Variants in PARPBP observed in about 807,000 individuals in gnomAD.
PARPBP encodes PARP1 binding protein.
Under a neutral mutation model 50.0 loss-of-function variants are expected in PARPBP, and 52 were observed. The ratio of observed to expected loss-of-function variants is 1.04; its 90% confidence interval spans 0.83 to 1.31. PARPBP has a LOEUF of 1.31. Ranked by LOEUF, PARPBP falls within the 50% of genes most tolerant of loss-of-function variation. The pLI, the probability that PARPBP is intolerant of heterozygous loss-of-function variation, is 0.00. For synonymous variants in PARPBP, 244 were observed against 232.1 expected (o/e 1.05, Z -0.47); for missense variants, 697 against 672.0 (o/e 1.04, Z -0.41).
chr12:102,189,702 G>T (rs1321465037), intron 9 of PARPBP, among the ~76,000 whole-genome samples: 3 of 152,122 alleles, frequency 2.0e-5, no homozygotes, highest in Non-Finnish European at 4.4e-5. Context: ...GTTGTAAAGA[G>T]AATGTGTGTA....
Position 102,151,694 on chromosome 12 carries a change from C to T in PARPBP, c.388-2175C>T, listed in dbSNP as rs1379762114. On this transcript the variant is annotated intron_variant, in intron 3 of 10. Coordinates refer to ENST00000327680, the MANE Select transcript of PARPBP (RefSeq NM_017915.5). Reference sequence around the variant, plus strand: ...ACTCTGGAGCGGCAGAAGGGAGAGTCCCTCTTAGCATGGAGCTGGTCCCTA... The same window carrying T: ...ACTCTGGAGCGGCAGAAGGGAGAGTTCCTCTTAGCATGGAGCTGGTCCCTA... The T allele has an allele frequency of 5.9e-6, 9 of 1,535,662 alleles. No individual in the cohort carries two copies. In the East Asian group the frequency reaches 2.0e-4, roughly 33 times the overall value.
intron 2 of PARPBP, among the ~76,000 whole-genome samples, chr12:102,135,298 A>G (rs992794157): frequency 1.2e-4 from 18 of 152,134 alleles, no homozygotes; most frequent in Non-Finnish European, 2.2e-4. Context: ...TAATCCCAGC[A>G]CTTTGGGAGG....
intron 2 of PARPBP, among the ~76,000 whole-genome samples, chr12:102,138,163 C>G (rs1883965832): frequency 6.6e-6 from 1 of 152,126 alleles, no homozygotes; most frequent in African/African-American, 2.4e-5. Context: ...CTCTCCAGCA[C>G]CTTTTGTTTC....
intron 6 of PARPBP, among the ~76,000 whole-genome samples, chr12:102,170,895 T>C (rs1888625262): frequency 6.7e-6 from 1 of 149,888 alleles, no homozygotes; most frequent in African/African-American, 2.5e-5. Context: ...CTTTTCTCTG[T>C]TTAATTTTTC....
intron 7 of PARPBP, among the ~76,000 whole-genome samples, chr12:102,176,160 T>A (rs1236051111): frequency 6.6e-6 from 1 of 152,046 alleles, no homozygotes; most frequent in Non-Finnish European, 1.5e-5. Flanking sequence ...TTTTTTGTAT[T>A]TTTAGTAGAG....
chr12:102,170,019 G>T (rs1888531743), intron 6 of PARPBP, among the ~76,000 whole-genome samples: 3 of 152,162 alleles, frequency 2.0e-5, no homozygotes, highest in Admixed American at 6.6e-5. Context: ...AGACAGACTG[G>T]GAAGAAATAA....
At chr12:102,181,650 G>A (rs888711918) in intron 8 of PARPBP, among the ~76,000 whole-genome samples, 1 of 152,080 alleles carries the variant, frequency 6.6e-6, no homozygotes, top group Non-Finnish European at 1.5e-5. Context: ...TAGATTTAGT[G>A]GTCCTTTATC....
rs768045689 is a variant in PARPBP, at chr12:102,196,202, C to T, written c.1651C>T (p.Leu551=). 6.2e-7 allele frequency: 1 copy of T among 1,611,718 alleles called. No individual in the cohort carries two copies. The highest frequency in any genetic ancestry group is 8.5e-7 in the Non-Finnish European group (1 of 1,178,592). ...NDSQNRLYGK[L]AKVAKSNKCT... ...TTCACAGAATAGATTGTACGGCAAA[C>T]TAGCTAAAGTAGCAAAAAGTAATAA... The change falls in exon 11 of 11, where the codon CTA becomes TTA. Residue 551 remains leucine (L), a synonymous_variant. Coordinates refer to ENST00000327680, the MANE Select transcript of PARPBP (RefSeq NM_017915.5).
intron 4 of PARPBP, among the ~76,000 whole-genome samples, chr12:102,164,201 A>T (rs1378508616): frequency 1.3e-5 from 2 of 152,000 alleles, no homozygotes; most frequent in South Asian, 2.1e-4. Context: ...TGCTTTTTTT[A>T]GCTGGATTTT....
In PARPBP at chr12:102,182,728, T is replaced by G. The variant is rs1262958898; in HGVS notation, c.1263+101T>G. The G allele has an allele frequency of 5.1e-6, 4 of 781,262 alleles. No homozygotes were observed. The Admixed American group carries it at 7.1e-5, about 14-fold the overall frequency. The allele number at this position is 781,262 out of a possible 1,614,324, so 48.4% of individuals were successfully genotyped here. A position where few individuals can be genotyped will look rare whatever the true frequency, so the allele number is the denominator to read the frequency against. ...TGGGTATTGTAAATATTGTAAACAT[T>G]GTACATGACACAGTAGGAATTAAAT... On this transcript the variant is annotated intron_variant, in intron 9 of 10. Coordinates refer to ENST00000327680, the MANE Select transcript of PARPBP (RefSeq NM_017915.5).
chr12:102,168,570 A>G (rs989529616), intron 6 of PARPBP, among the ~76,000 whole-genome samples: 1 of 152,190 alleles, frequency 6.6e-6, no homozygotes, highest in African/African-American at 2.4e-5. Flanking sequence ...ATTAAAAACT[A>G]AAAACATATA....
intron 4 of PARPBP, 96 bp downstream of exon 4, chr12:102,154,072 T>A (rs931203816): frequency 1.8e-5 from 13 of 704,342 alleles, no homozygotes; most frequent in South Asian, 9.1e-5. Flanking sequence ...TTTGTAAAAA[T>A]TTTTTTAACA....
chr12:102,185,222 A>C (rs1001504810), intron 9 of PARPBP, among the ~76,000 whole-genome samples: 18 of 152,162 alleles, frequency 1.2e-4, no homozygotes, highest in African/African-American at 4.3e-4. Flanking sequence ...ATGGTCTTTC[A>C]GAGGTTTTTA....
intron 2 of PARPBP, among the ~76,000 whole-genome samples, chr12:102,135,802 A>G (rs1026940131): frequency 3.9e-5 from 6 of 152,176 alleles, no homozygotes; most frequent in African/African-American, 1.4e-4. Flanking sequence ...CTTTTAGCCT[A>G]GATTTTCATT....
intron 2 of PARPBP, among the ~76,000 whole-genome samples, chr12:102,130,480 A>G (rs1047535852): frequency 6.6e-6 from 1 of 152,230 alleles, no homozygotes; most frequent in African/African-American, 2.4e-5. Flanking sequence ...AAATTTTTGC[A>G]AACTATACAT....
chr12:102,172,220 C>G (rs964423141), intron 6 of PARPBP, among the ~76,000 whole-genome samples: 9 of 152,150 alleles, frequency 5.9e-5, no homozygotes, highest in Admixed American at 4.6e-4. Context: ...TCTTTCTCAT[C>G]TAAATTCTCC....
chr12:102,152,175 T>G (rs905195345), intron 3 of PARPBP, among the ~76,000 whole-genome samples: 5 of 152,164 alleles, frequency 3.3e-5, no homozygotes, highest in African/African-American at 4.8e-5. Flanking sequence ...GATGAAAGCT[T>G]GTTGCTAGAG....
chr12:102,143,739 T>C (rs1488510758), intron 2 of PARPBP, among the ~76,000 whole-genome samples: 1 of 152,222 alleles, frequency 6.6e-6, no homozygotes, highest in African/African-American at 2.4e-5. Context: ...ATTAGCTTCT[T>C]AGTTTGCATC....
At chr12:102,145,859 G>C (rs1320512551) in intron 2 of PARPBP, among the ~76,000 whole-genome samples, 1 of 152,106 alleles carries the variant, frequency 6.6e-6, no homozygotes, top group Non-Finnish European at 1.5e-5. Flanking sequence ...TTAATCTCTG[G>C]CTCAAGGTTT....
Sources: gnomAD v4.1 joint callset for allele counts (sites outside exome capture counted in the v4.1 genomes callset) on GRCh38, gnomAD v4.1.1 for gene constraint, MANE v1.5 for transcripts, NCBI Gene and HGNC (gene_info 2026-07-23, HGNC 2026-07-21) for gene names.